The following CPLANE1 variants were observed in gnomAD, a reference collection of about 807,000 sequenced individuals.
CPLANE1 encodes the protein ciliogenesis and planar polarity effector complex subunit 1.
CPLANE1 carries 263 observed loss-of-function variants against 362.5 expected under a neutral mutation model. That is an observed-to-expected ratio of 0.73 (90% CI 0.66 to 0.80). CPLANE1 has a LOEUF of 0.80. Ranked by LOEUF, CPLANE1 falls within the 30% of genes least tolerant of loss-of-function variation. The pLI is 0.00. For missense variants in CPLANE1, 3,461 were observed against 3,793.4 expected, an observed-to-expected ratio of 0.91 and a Z score of 2.30; for synonymous variants, 1,212 against 1,302.6, an observed-to-expected ratio of 0.93 and a Z score of 1.50.
rs1779428248 is a variant in CPLANE1 at position 37,170,343 on chromosome 5, C to A, written c.6172-12G>T. 1 of 1,594,984 alleles carries A rather than the reference C, an allele frequency of 6.3e-7. No homozygotes were observed. The highest frequency in any genetic ancestry group is 8.5e-7 in the Non-Finnish European group (1 of 1,171,006). ...TTGATCTGTTGCAGCTTGAATAAAACAAAAATTGAAGCGATATCTTAAAAT... is the reference window on the plus strand; with the variant it reads ...TTGATCTGTTGCAGCTTGAATAAAAAAAAAATTGAAGCGATATCTTAAAAT... On this transcript the variant is annotated splice_polypyrimidine_tract_variant and intron_variant, in intron 32 of 52. Coordinates refer to ENST00000651892, the MANE Select transcript of CPLANE1 (RefSeq NM_001384732.1).
At chr5:37,139,301 C>A (rs764716730) in intron 45 of CPLANE1, 39 bp downstream of exon 45, 2 of 1,385,688 alleles carry the variant, frequency 1.4e-6, no homozygotes, top group East Asian at 2.5e-5. Flanking sequence ...CTACACCCAA[C>A]TTTAAAGAAA....
the CPLANE1 span, among the ~76,000 whole-genome samples, chr5:37,096,334 G>A: frequency 2.0e-5 from 3 of 152,112 alleles, no homozygotes; most frequent in Non-Finnish European, 4.4e-5. Flanking sequence ...AATGGTGCTG[G>A]GATAATTGGC....
At chr5:37,095,818 C>A in the CPLANE1 span, among the ~76,000 whole-genome samples, 2 of 152,112 alleles carry the variant, frequency 1.3e-5, no homozygotes, top group South Asian at 2.1e-4. Flanking sequence ...AAAAACTCAA[C>A]CCCTTTCACA....
chr5:37,213,735 A>G lies in CPLANE1; in HGVS notation c.2747-3T>C. 1 of 1,487,224 alleles carries G rather than the reference A, an allele frequency of 6.7e-7. No individual in the cohort carries two copies. The highest frequency in any genetic ancestry group is 1.4e-5 in the South Asian group (1 of 72,988). The allele number at this position is 1,487,224 out of a possible 1,614,324, so 92.1% of individuals were successfully genotyped here. A position where few individuals can be genotyped will look rare whatever the true frequency, so the allele number is the denominator to read the frequency against. ...CTCAAAATGAGACTTTGCAGCACCT[A>G]AGGAATACAGCAATGACCTAAGAAG... On this transcript the variant is annotated splice_polypyrimidine_tract_variant and splice_region_variant and intron_variant, in intron 15 of 52. Transcript: ENST00000651892.
intron 8 of CPLANE1, among the ~76,000 whole-genome samples, chr5:37,235,805 C>T (rs561676744): frequency 8.0e-5 from 12 of 150,848 alleles, no homozygotes; most frequent in Admixed American, 4.6e-4. Context: ...CTCCTGACCT[C>T]GTGATCCGCC....
intron 42 of CPLANE1, 57 bp downstream of exon 42, chr5:37,153,683 C>A: frequency 6.6e-7 from 1 of 1,525,108 alleles, no homozygotes; most frequent in Non-Finnish European, 8.9e-7. Flanking sequence ...AGTTATATCA[C>A]ACTACAAATC....
intron 44 of CPLANE1, chr5:37,141,847 C>CATTTTACAGTTGAGGAGAT: frequency 1.1e-6 from 1 of 902,048 alleles, no homozygotes; most frequent in Non-Finnish European, 1.3e-6. Context: ...TCTCAATCTC[C>CATTTTACAGTTGAGGAGAT]TCAACTGTAA....
chr5:37,169,162 G>A lies in CPLANE1; in HGVS notation c.6862C>T (p.Gln2288Ter). Residue 2288 changes from glutamine (Q) to a stop codon, truncating the protein, a stop_gained, in exon 34 of 53, where the codon CAG becomes TAG. Transcript: ENST00000651892. LOFTEE classifies it high-confidence loss of function. ...TTPASHLNVS[Q>*]YNTEARKKEV... ...TTTTTTCTGGCTTCAGTGTTATACT[G>A]GCTTACATTCAAATGGGATGCTGGA... 1 of 1,614,008 alleles carries A rather than the reference G, an allele frequency of 6.2e-7. No homozygotes were observed. Among genetic ancestry groups the A allele is most frequent in the Non-Finnish European group, 8.5e-7 (1 of 1,180,016 alleles).
At chr5:37,212,850 C>CT (rs1425751074) in intron 16 of CPLANE1, among the ~76,000 whole-genome samples, 1 of 152,196 alleles carries the variant, frequency 6.6e-6, no homozygotes, top group Non-Finnish European at 1.5e-5. Context: ...GGTGGCAGCT[C>CT]TTTCACTTTA....
chr5:37,200,674 A>G (rs1788905397), intron 19 of CPLANE1, among the ~76,000 whole-genome samples: 1 of 152,202 alleles, frequency 6.6e-6, no homozygotes, highest in African/African-American at 2.4e-5. Context: ...AACACTTTAA[A>G]TCTTAAAACC....
At chr5:37,236,470 A>T (rs559278970) in intron 8 of CPLANE1, among the ~76,000 whole-genome samples, 1 of 152,346 alleles carries the variant, frequency 6.6e-6, no homozygotes, top group East Asian at 1.9e-4. Flanking sequence ...AAACTAAAAA[A>T]ATCCTAGAAG....
chr5:37,108,803 C>T (rs1313053060), intron 51 of CPLANE1, among the ~76,000 whole-genome samples: 1 of 152,208 alleles, frequency 6.6e-6, no homozygotes, highest in African/African-American at 2.4e-5. Context: ...CCTGGGCCTT[C>T]CCTGTCTTTT....
At position 37,142,336 on chromosome 5, in the gene CPLANE1, G is replaced by T; in HGVS notation, c.8606C>A (p.Ser2869Tyr). Residue 2869 changes from serine (S) to tyrosine (Y), a missense_variant, in exon 44 of 53, where the codon TCC becomes TAC. Around this residue, in one of 2 missense-constraint regions of CPLANE1, gnomAD observed 3,380 missense variants for 3,666.1 expected, o/e 0.92. Coordinates refer to ENST00000651892, the MANE Select transcript of CPLANE1 (RefSeq NM_001384732.1). The part of the protein sequence containing the change: ...TADSAVSLSS[S>Y]SDQNTTSPGM... ...AGGAGAAGTAGTATTCTGATCACTG[G>T]AACTGGAAAGGCTGACAGCTGAATC... is the stretch of plus-strand genomic sequence containing the variant. The T allele has an allele frequency of 6.2e-7, 1 of 1,601,638 alleles. No homozygotes were observed. The highest frequency in any genetic ancestry group is 8.5e-7 in the Non-Finnish European group (1 of 1,175,688).
the CPLANE1 span, among the ~76,000 whole-genome samples, chr5:37,086,596 G>A: frequency 6.6e-6 from 1 of 152,184 alleles, no homozygotes; most frequent in Non-Finnish European, 1.5e-5. Context: ...ACTAACCTTT[G>A]ATCATTTGTG....
intron 8 of CPLANE1, among the ~76,000 whole-genome samples, chr5:37,232,032 C>T (rs1311629176): frequency 6.6e-6 from 1 of 151,992 alleles, no homozygotes; most frequent in Admixed American, 6.6e-5. Context: ...GCTAGATAAA[C>T]CTAAAAACTC....
At chr5:37,229,234 T>A (rs867409491) in intron 9 of CPLANE1, among the ~76,000 whole-genome samples, 119 of 137,668 alleles carry the variant, frequency 8.6e-4, no homozygotes, top group Admixed American at 1.9e-3. Flanking sequence ...AAAAAAAAAA[T>A]TAAATTAAAT....
At chr5:37,213,781 GTAA>G (rs773473267) in intron 15 of CPLANE1, 49 bp from the exon 16 acceptor site, 42 of 1,323,794 alleles carry the variant, frequency 3.2e-5, no homozygotes, top group Non-Finnish European at 3.9e-5. Flanking sequence ...ACTACCAAAA[GTAA>G]TAATATTTAA....
chr5:37,170,079 T>A lies in CPLANE1; in HGVS notation c.6424A>T (p.Thr2142Ser), dbSNP rs1424438060. Residue 2142 changes from threonine to serine, a missense_variant, in exon 33 of 53, where the codon ACT (threonine) becomes TCT (serine). By Grantham distance (58) the Thr-to-Ser change is moderately conservative. Coordinates refer to ENST00000651892, the MANE Select transcript of CPLANE1 (RefSeq NM_001384732.1). ...GTACTATTTTGACCAGATGGGATAG[T>A]TCCTTCATGGCAGTGTGGGCTGTTC... is the stretch of plus-strand genomic sequence containing the variant. ...RKNSPHCHEG[T>S]IPSGQNSTGN... is the part of the protein sequence containing the mutation. The A allele has an allele frequency of 9.3e-6, 15 of 1,614,074 alleles. No homozygotes were observed. Among genetic ancestry groups the A allele is most frequent in the Non-Finnish European group, 1.3e-5 (15 of 1,180,034 alleles).
At chr5:37,245,297 C>CTATATATA (rs57781968) in intron 4 of CPLANE1, among the ~76,000 whole-genome samples, 182 bp downstream of exon 4, 2 of 59,698 alleles carry the variant, frequency 3.4e-5, no homozygotes, top group Non-Finnish European at 3.3e-5. Context: ...ATAACCAAAA[C>CTATATATA]TATATATATA....
Sources: allele counts gnomAD v4.1 joint callset (sites outside exome capture counted in the v4.1 genomes callset), GRCh38; gene constraint gnomAD v4.1.1; regional missense constraint gnomAD v4.1.1; transcripts MANE v1.5; gene names NCBI Gene and HGNC (gene_info 2026-07-23, HGNC 2026-07-21).